The following PBX3 variants were observed in gnomAD, a reference collection of about 807,000 sequenced individuals.
The protein encoded by PBX3 is pre-B-cell leukemia transcription factor 3.
A neutral mutation model predicts 48.5 loss-of-function variants in PBX3; 14 were observed. The observed-to-expected ratio is 0.29, with a 90% confidence interval of 0.19 to 0.45. The LOEUF (loss-of-function observed/expected upper bound fraction) is 0.45. Among genes scored for constraint, PBX3 ranks in the 20% least tolerant of loss-of-function variants. The probability of loss-of-function intolerance (pLI) is 1.00; values close to 1 mark genes in which losing one functional copy is unlikely to be tolerated. For missense variants in PBX3, 386 were observed against 546.7 expected, an observed-to-expected ratio of 0.71 and a Z score of 2.93; for synonymous variants, 210 against 200.3, an observed-to-expected ratio of 1.05 and a Z score of -0.41.
At chr9:125,865,571 C>T (rs1588235936) in intron 2 of PBX3, among the ~76,000 whole-genome samples, 1 of 152,266 alleles carries the variant, frequency 6.6e-6, no homozygotes, top group African/African-American at 2.4e-5. Flanking sequence ...TTTCTGGTCT[C>T]TCTAAATGAG....
At chr9:125,907,445 TGTA>T (rs1217574261) in intron 2 of PBX3, among the ~76,000 whole-genome samples, 2 of 152,060 alleles carry the variant, frequency 1.3e-5, no homozygotes, top group Non-Finnish European at 1.5e-5. Context: ...CTTTAGAAAA[TGTA>T]GTATTTTAAT....
At chr9:125,895,897 CA>C (rs1840757863) in intron 2 of PBX3, among the ~76,000 whole-genome samples, 1 of 151,970 alleles carries the variant, frequency 6.6e-6, no homozygotes, top group East Asian at 1.9e-4. Flanking sequence ...TGATATTATG[CA>C]GTTAAAGTTC....
chr9:125,747,378 C>T lies in PBX3; in HGVS notation c.-76C>T, dbSNP rs193112371. On this transcript the variant is annotated 5_prime_UTR_variant, in exon 1 of 9. Transcript: ENST00000373489. ...TCCCCCTCCCCCTCTTTCTTCTCCTCCCTCGTCGCCGCCGCCGCCGCCGCC... is the reference window on the plus strand; with the variant it reads ...TCCCCCTCCCCCTCTTTCTTCTCCTTCCTCGTCGCCGCCGCCGCCGCCGCC... 18 of 604,160 alleles carry T rather than the reference C, an allele frequency of 3.0e-5. No homozygotes were observed. The highest frequency in any genetic ancestry group is 2.3e-6 in the Non-Finnish European group (1 of 431,550). 37.4% of individuals were successfully genotyped at this position (604,160 alleles called of 1,614,324 possible).
Position 125,960,915 on chromosome 9 carries a change from A to T in PBX3, c.1009+66A>T. On this transcript the variant is annotated intron_variant, in intron 6 of 8. Transcript: ENST00000373489. ...CTTATGCCACAATGCCCTGTCCCAC[A>T]GGCCAGGAAACAAGAGCCATACTGA... 8 of 1,513,170 alleles carry T rather than the reference A, an allele frequency of 5.3e-6. No homozygotes were observed. In the South Asian group the frequency reaches 9.7e-5, roughly 18 times the overall value. 93.7% of individuals were successfully genotyped at this position (1,513,170 alleles called of 1,614,324 possible).
At chr9:125,767,982 GA>G (rs1255541466) in intron 2 of PBX3, among the ~76,000 whole-genome samples, 1 of 152,000 alleles carries the variant, frequency 6.6e-6, no homozygotes, top group Non-Finnish European at 1.5e-5. Flanking sequence ...GGGACGGGGA[GA>G]GGGGAGTTTA....
At chr9:125,862,632 G>A (rs1436159996) in intron 2 of PBX3, among the ~76,000 whole-genome samples, 3 of 152,012 alleles carry the variant, frequency 2.0e-5, no homozygotes, top group Non-Finnish European at 4.4e-5. Context: ...TGATCAGCCC[G>A]CCTTGGACTC....
At position 125,911,830 on chromosome 9, in the gene PBX3, C is replaced by T. The variant is rs371715737; in HGVS notation, c.275-3856C>T. 9.9e-5 allele frequency among the ~76,000 whole-genome samples: 15 copies of T among 152,202 alleles called. No homozygotes were observed. In the South Asian group the frequency reaches 2.9e-3, roughly 29 times the overall value. On this transcript the variant is annotated intron_variant, in intron 2 of 8. Transcript: ENST00000373489. ...TTTCTCAGCAGGTCTGAATAATGTA[C>T]TCTTTACTAAGTAAAAGTGATGTGA...
chr9:125,782,308 A>G (rs1837342322), intron 2 of PBX3, among the ~76,000 whole-genome samples: 1 of 152,072 alleles, frequency 6.6e-6, no homozygotes, highest in African/African-American at 2.4e-5. Context: ...CAGCATGGGG[A>G]ATGACCTGCC....
At chr9:125,831,172 A>G (rs1838952341) in intron 2 of PBX3, among the ~76,000 whole-genome samples, 1 of 152,208 alleles carries the variant, frequency 6.6e-6, no homozygotes, top group Non-Finnish European at 1.5e-5. Context: ...TCTAGACTAG[A>G]ATTAGATCTA....
At chr9:125,754,584 C>G (rs576365377) in intron 2 of PBX3, among the ~76,000 whole-genome samples, 33 of 118,890 alleles carry the variant, frequency 2.8e-4, no homozygotes, top group African/African-American at 8.3e-4. Context: ...TTTATGCCTT[C>G]AAACTCAGAA....
chr9:125,801,790 T>TACACACACACACACACAC (rs367989628), intron 2 of PBX3, among the ~76,000 whole-genome samples: 176 of 146,314 alleles, frequency 1.2e-3, no homozygotes, highest in African/African-American at 2.6e-3. Context: ...TGTATACACA[T>TACACACACACACACACAC]ACACACACAC....
intron 6 of PBX3, among the ~76,000 whole-genome samples, chr9:125,961,354 G>T (rs1842427051): frequency 6.6e-6 from 1 of 152,216 alleles, no homozygotes; most frequent in Non-Finnish European, 1.5e-5. Flanking sequence ...GTGGCTAGCT[G>T]TGAGGGTTAT....
Position 125,905,163 on chromosome 9 carries a change from C to G in PBX3, c.275-10523C>G, listed in dbSNP as rs1486109482. On this transcript the variant is annotated intron_variant, in intron 2 of 8. Coordinates refer to ENST00000373489, the MANE Select transcript of PBX3 (RefSeq NM_006195.6). The stretch of plus-strand genomic sequence containing the variant: ...AAGATGTAAATTTACACATTGCCCT[C>G]TAAGTAACTGGGAAAAAAACTGATT... Among the ~76,000 whole-genome samples, 3 of 152,034 alleles carry G rather than the reference C, an allele frequency of 2.0e-5. No individual in the cohort carries two copies. The East Asian group carries it at 5.8e-4, about 29-fold the overall frequency.
chr9:125,937,431 AT>A (rs142066103), intron 5 of PBX3, among the ~76,000 whole-genome samples: 19 of 150,234 alleles, frequency 1.3e-4, no homozygotes, highest in East Asian at 7.8e-4. Flanking sequence ...TATGTTTTGA[AT>A]TTTTTTTTTA....
chr9:125,912,077 A>G (rs931369678), intron 2 of PBX3, among the ~76,000 whole-genome samples: 2 of 152,118 alleles, frequency 1.3e-5, no homozygotes, highest in Non-Finnish European at 2.9e-5. Context: ...TAGTTAGTGC[A>G]CTGTGTTGTT....
chr9:125,778,937 G>A (rs1229052770), intron 2 of PBX3, among the ~76,000 whole-genome samples: 3 of 133,578 alleles, frequency 2.2e-5, no homozygotes, highest in African/African-American at 8.6e-5. Flanking sequence ...ACCATTTTAA[G>A]TGTATAATTC....
At chr9:125,856,682 G>A (rs1017102755) in intron 2 of PBX3, among the ~76,000 whole-genome samples, 2 of 152,174 alleles carry the variant, frequency 1.3e-5, no homozygotes, top group Non-Finnish European at 2.9e-5. Context: ...CAGTTGTTTG[G>A]TTTGATGTCA....
At chr9:125,830,607 A>ATAG (rs1482261144) in intron 2 of PBX3, among the ~76,000 whole-genome samples, 2 of 152,162 alleles carry the variant, frequency 1.3e-5, no homozygotes, top group Non-Finnish European at 2.9e-5. Flanking sequence ...ATCCTCTATA[A>ATAG]TAGTAATAAT....
chr9:125,831,532 A>G (rs774677155), intron 2 of PBX3, among the ~76,000 whole-genome samples: 4 of 151,784 alleles, frequency 2.6e-5, no homozygotes, highest in Non-Finnish European at 5.9e-5. Flanking sequence ...CACTAGGGCT[A>G]TTTGGTTACC....
Sources: gnomAD v4.1 joint callset for allele counts (sites outside exome capture counted in the v4.1 genomes callset) on GRCh38, gnomAD v4.1.1 for gene constraint, MANE v1.5 for transcripts, NCBI Gene and HGNC (gene_info 2026-07-23, HGNC 2026-07-21) for gene names.